TBC1D13: variants seen among roughly 807,000 people sequenced by gnomAD.
TBC1D13 encodes epididymis secretory sperm binding protein.
In TBC1D13, 40 loss-of-function variants were observed where a neutral mutation model predicts 53.6. That is an observed-to-expected ratio of 0.75 (90% CI 0.58 to 0.97). TBC1D13 has a LOEUF of 0.97. TBC1D13 is among the 50% of genes least tolerant of loss of function. The probability of loss-of-function intolerance (pLI) is 0.00; values close to 1 mark genes in which losing one functional copy is unlikely to be tolerated. For missense variants in TBC1D13, 377 were observed against 499.4 expected, an observed-to-expected ratio of 0.75 and a Z score of 2.34; for synonymous variants, 182 against 197.7, an observed-to-expected ratio of 0.92 and a Z score of 0.67.
intron 6 of TBC1D13, among the ~76,000 whole-genome samples, chr9:128,793,768 C>G (rs62583635): frequency 3.2e-4 from 48 of 152,156 alleles, no homozygotes; most frequent in Non-Finnish European, 6.2e-4. Context: ...CACTCTGACC[C>G]GCAGTGACCC....
chr9:128,788,425 ATT>A lies in TBC1D13; in HGVS notation c.97+21_97+22del, dbSNP rs1320016539. ...CTTTAGTGGTAAGAAGCCATTCTGT[ATT>A]TTCACGGTTTCCCTACAGCAGCCCT... On this transcript the variant is annotated intron_variant, in intron 2 of 11. Coordinates refer to ENST00000372648, the MANE Select transcript of TBC1D13 (RefSeq NM_018201.5). The A allele has an allele frequency of 6.2e-7, 1 of 1,612,382 alleles. No homozygotes were observed. The highest frequency in any genetic ancestry group is 8.5e-7 in the Non-Finnish European group (1 of 1,178,724).
chr9:128,794,017 G>C (rs971219996), intron 6 of TBC1D13, among the ~76,000 whole-genome samples: 1 of 152,222 alleles, frequency 6.6e-6, no homozygotes, highest in African/African-American at 2.4e-5. Flanking sequence ...CTGTGAAGGA[G>C]GGAAAAACTG....
At chr9:128,790,575 A>G (rs1243673892) in intron 2 of TBC1D13, among the ~76,000 whole-genome samples, 160 bp from the exon 3 acceptor site, 2 of 152,172 alleles carry the variant, frequency 1.3e-5, no homozygotes, top group African/African-American at 4.8e-5. Context: ...CTCCATCTCA[A>G]AAAAAAGAAA....
rs191073996 is a variant in TBC1D13, at chr9:128,810,143, C to T, written c.*2264C>T. 43 of 152,270 alleles carry T rather than the reference C, an allele frequency of 2.8e-4. No homozygotes were observed. Among genetic ancestry groups the T allele is most frequent in the African/African-American group, 1.0e-3 (42 of 41,534 alleles). The allele number at this position is 152,270 out of a possible 1,614,324, so 9.4% of individuals were successfully genotyped here. A position where few individuals can be genotyped will look rare whatever the true frequency, so the allele number is the denominator to read the frequency against. Reference sequence around the variant, plus strand: ...ACCAGGCCTTGGTTAGGCTGAGCTCCCAGCAGGACACCGCCTGCAGAAAGG... The same window carrying T: ...ACCAGGCCTTGGTTAGGCTGAGCTCTCAGCAGGACACCGCCTGCAGAAAGG... On this transcript the variant is annotated 3_prime_UTR_variant, in exon 12 of 12. Coordinates refer to ENST00000372648, the MANE Select transcript of TBC1D13 (RefSeq NM_018201.5).
intron 9 of TBC1D13, 26 bp from the exon 10 acceptor site, chr9:128,805,833 C>T: frequency 1.2e-6 from 2 of 1,607,770 alleles, no homozygotes; most frequent in Non-Finnish European, 8.5e-7. Flanking sequence ...GAGTCATGCC[C>T]CCCACCCCCC....
chr9:128,790,700 G>C, intron 2 of TBC1D13, 35 bp from the exon 3 acceptor site: 1 of 1,535,282 alleles, frequency 6.5e-7, no homozygotes, highest in Non-Finnish European at 8.7e-7. Flanking sequence ...TGGGACTCTG[G>C]CCTGGGGCAT....
chr9:128,788,417 C>T lies in TBC1D13; in HGVS notation c.97+10C>T. 1 of 1,613,160 alleles carries T rather than the reference C, an allele frequency of 6.2e-7. No individual in the cohort carries two copies. The highest frequency in any genetic ancestry group is 8.5e-7 in the Non-Finnish European group (1 of 1,179,236). On this transcript the variant is annotated intron_variant, in intron 2 of 11. Coordinates refer to ENST00000372648, the MANE Select transcript of TBC1D13 (RefSeq NM_018201.5). ...GAACTCAGCTTTAGTGGTAAGAAGCCATTCTGTATTTTCACGGTTTCCCTA... is the reference window on the plus strand; with the variant it reads ...GAACTCAGCTTTAGTGGTAAGAAGCTATTCTGTATTTTCACGGTTTCCCTA...
In TBC1D13 at chr9:128,791,504, G is replaced by A. The variant is rs1589566209; in HGVS notation, c.200+63G>A. 3 of 1,608,056 alleles carry A rather than the reference G, an allele frequency of 1.9e-6. No homozygotes were observed. The East Asian group carries it at 6.7e-5, about 36-fold the overall frequency. On this transcript the variant is annotated intron_variant, in intron 4 of 11. Transcript: ENST00000372648. The stretch of plus-strand genomic sequence containing the variant: ...TGCATGTGACAGAGCCAGTACCGCT[G>A]GGGCCGCCCTGCCTCCTGCGGCTGC...
intron 7 of TBC1D13, among the ~76,000 whole-genome samples, chr9:128,801,918 C>T (rs1829742257): frequency 6.6e-6 from 1 of 151,198 alleles, no homozygotes; most frequent in Non-Finnish European, 1.5e-5. Context: ...CCCGCCACCA[C>T]GCCTGGCTAA....
intron 1 of TBC1D13, among the ~76,000 whole-genome samples, chr9:128,787,961 G>C (rs1564421663): frequency 6.6e-6 from 1 of 152,164 alleles, no homozygotes. Context: ...GGTCCAAGGA[G>C]TTCAGTTGGT....
rs1829530056 is a variant in TBC1D13 at position 128,791,412 on chromosome 9, C to T, written c.171C>T (p.Ala57=). 1 of 1,614,200 alleles carries T rather than the reference C, an allele frequency of 6.2e-7. No homozygotes were observed. The highest frequency in any genetic ancestry group is 2.2e-5 in the East Asian group (1 of 44,884). The change falls in exon 4 of 12, where the codon GCC becomes GCT. Residue 57 remains alanine, a synonymous_variant. Transcript: ENST00000372648. ...TGAACTACCTTCCCTTGGAGAGAGCCTCATGGACCTCCATCCTGGCCAAGC... is the reference window on the plus strand; with the variant it reads ...TGAACTACCTTCCCTTGGAGAGAGCTTCATGGACCTCCATCCTGGCCAAGC... ...ILLNYLPLER[A]SWTSILAKQR...
chr9:128,803,518 C>G, intron 8 of TBC1D13, 58 bp downstream of exon 8: 1 of 1,525,176 alleles, frequency 6.6e-7, no homozygotes, highest in Non-Finnish European at 9.1e-7. Context: ...GGCTGTGCAC[C>G]TCACTTTCCC....
At chr9:128,801,237 A>G (rs1829727528) in intron 7 of TBC1D13, among the ~76,000 whole-genome samples, 1 of 152,114 alleles carries the variant, frequency 6.6e-6, no homozygotes, top group South Asian at 2.1e-4. Flanking sequence ...CCATGAGTCC[A>G]TAATATCACC....
At chr9:128,802,573 A>G (rs1463928600) in intron 7 of TBC1D13, among the ~76,000 whole-genome samples, 1 of 152,058 alleles carries the variant, frequency 6.6e-6, no homozygotes, top group Non-Finnish European at 1.5e-5. Flanking sequence ...CATTTGTTGT[A>G]TTGCAGAATG....
At position 128,808,863 on chromosome 9, in the gene TBC1D13, G is replaced by A. The variant is rs1829894610; in HGVS notation, c.*984G>A. The stretch of plus-strand genomic sequence containing the variant: ...CCAAATGCTGCTGAGTAAGGATGAA[G>A]CTTTGAGCCTCCTGCCCCTGCTTTC... On this transcript the variant is annotated 3_prime_UTR_variant, in exon 12 of 12. Transcript: ENST00000372648. 1 of 152,326 alleles carries A rather than the reference G, an allele frequency of 6.6e-6. No individual in the cohort carries two copies. The highest frequency in any genetic ancestry group is 2.4e-5 in the African/African-American group (1 of 41,456). The allele number at this position is 152,326 out of a possible 1,614,324, so 9.4% of individuals were successfully genotyped here.
intron 7 of TBC1D13, among the ~76,000 whole-genome samples, chr9:128,802,881 C>G (rs564741059): frequency 6.6e-6 from 1 of 151,880 alleles, no homozygotes; most frequent in African/African-American, 2.4e-5. Flanking sequence ...ACCACAGGTG[C>G]GTGCCTTCAC....
intron 6 of TBC1D13, among the ~76,000 whole-genome samples, chr9:128,796,538 A>G (rs1488649418): frequency 3.3e-5 from 5 of 152,082 alleles, no homozygotes; most frequent in Non-Finnish European, 1.5e-5. Context: ...GGCGTGAGCC[A>G]CCGTGCCCAG....
intron 2 of TBC1D13, among the ~76,000 whole-genome samples, chr9:128,789,272 C>T (rs996312457): frequency 6.3e-5 from 9 of 143,490 alleles, no homozygotes; most frequent in Admixed American, 4.3e-4. Context: ...GCCGAGATTG[C>T]GCCATTGCAC....
chr9:128,788,920 C>G (rs1398746717), intron 2 of TBC1D13, among the ~76,000 whole-genome samples: 2 of 152,206 alleles, frequency 1.3e-5, no homozygotes, highest in Non-Finnish European at 2.9e-5. Context: ...CTGTGTTAGA[C>G]TTTGCCCCAA....
Sources: allele counts gnomAD v4.1 joint callset (sites outside exome capture counted in the v4.1 genomes callset), GRCh38; gene constraint gnomAD v4.1.1; transcripts MANE v1.5; gene names NCBI Gene and HGNC (gene_info 2026-07-23, HGNC 2026-07-21).